The following MAMDC2 variants were observed in gnomAD, a reference collection of about 807,000 sequenced individuals.
MAMDC2 encodes MAM domain containing 2, also known as MAM domain-containing protein 2.
A neutral mutation model predicts 89.8 loss-of-function variants in MAMDC2; 57 were observed. The observed-to-expected ratio is 0.63, with a 90% CI of 0.51 to 0.79. MAMDC2 has a LOEUF of 0.79. Ranked by LOEUF, MAMDC2 falls within the 30% of genes least tolerant of loss-of-function variation. MAMDC2 has a pLI of 0.00. For synonymous variants in MAMDC2, 313 were observed against 293.4 expected (o/e 1.07, Z -0.68); for missense variants, 800 against 820.6 (o/e 0.97, Z 0.31).
At chr9:70,114,915 T>A (rs1013188994) in intron 5 of MAMDC2, among the ~76,000 whole-genome samples, 1 of 152,170 alleles carries the variant, frequency 6.6e-6, no homozygotes, top group Non-Finnish European at 1.5e-5. Context: ...GAAGACATGA[T>A]AAAAGAAGTA....
intron 2 of MAMDC2, chr9:70,092,452 G>A (rs1286177574): frequency 1.3e-5 from 2 of 152,208 alleles, no homozygotes; most frequent in Non-Finnish European, 2.9e-5. Context: ...GAATACACAA[G>A]CCAGATCTGT....
intron 11 of MAMDC2, among the ~76,000 whole-genome samples, chr9:70,204,797 C>G (rs1022274392): frequency 6.6e-6 from 1 of 152,182 alleles, no homozygotes; most frequent in Non-Finnish European, 1.5e-5. Context: ...GAGCAATATT[C>G]GGGTGGGAGT....
intron 2 of MAMDC2, among the ~76,000 whole-genome samples, chr9:70,068,479 A>T (rs900744953): frequency 5.9e-5 from 9 of 152,062 alleles, no homozygotes; most frequent in Admixed American, 3.3e-4. Flanking sequence ...GGACTTTGGG[A>T]GGCCATGGTG....
At chr9:70,078,179 T>C (rs776132403) in intron 2 of MAMDC2, among the ~76,000 whole-genome samples, 3 of 152,188 alleles carry the variant, frequency 2.0e-5, no homozygotes, top group Non-Finnish European at 2.9e-5. Flanking sequence ...GCAGGATGGA[T>C]ATCCAAGGTG....
At chr9:70,120,124 T>A (rs904723790) in intron 5 of MAMDC2, among the ~76,000 whole-genome samples, 2 of 152,188 alleles carry the variant, frequency 1.3e-5, no homozygotes, top group Middle Eastern at 3.2e-3. Context: ...CCTTCTAAAT[T>A]GCCCCCTCAA....
intron 2 of MAMDC2, among the ~76,000 whole-genome samples, chr9:70,085,114 A>T (rs1379296993): frequency 1.3e-5 from 2 of 152,232 alleles, no homozygotes; most frequent in South Asian, 4.1e-4. Context: ...GCCCCTTGTC[A>T]TTCACAGCAA....
At chr9:70,174,834 C>T (rs2032448877) in intron 11 of MAMDC2, among the ~76,000 whole-genome samples, 1 of 151,332 alleles carries the variant, frequency 6.6e-6, no homozygotes, top group Non-Finnish European at 1.5e-5. Flanking sequence ...AAGCAATTCT[C>T]CCTGCCTCAG....
intron 7 of MAMDC2, among the ~76,000 whole-genome samples, chr9:70,137,028 C>A (rs928393335): frequency 6.6e-6 from 1 of 152,172 alleles, no homozygotes; most frequent in African/African-American, 2.4e-5. Flanking sequence ...CAGTCTGGCT[C>A]ATCTGGGTTT....
chr9:70,052,005 A>T (rs3015234), intron 2 of MAMDC2, among the ~76,000 whole-genome samples: 29,801 of 152,000 alleles, frequency 0.2, 3,223 homozygotes, highest in African/African-American at 0.29. Context: ...GTAAAAAAAA[A>T]TTTTTTTAAA....
At position 70,206,374 on chromosome 9, in the gene MAMDC2, T is replaced by C. The variant is rs148580094; in HGVS notation, c.1652-11963T>C. 3.3e-3 allele frequency among the ~76,000 whole-genome samples: 508 copies of C among 152,302 alleles called. 12 individuals are homozygous for C. The highest frequency in any genetic ancestry group is 0.031 in the Admixed American group (479 of 15,298). On this transcript the variant is annotated intron_variant, in intron 11 of 13. Transcript: ENST00000377182. ...GGTATATGTGTACAGGAACAGTCTA[T>C]ACACGGCTTGGTATTATCTGTGGTT...
At chr9:70,127,893 G>A (rs1238701281) in intron 6 of MAMDC2, among the ~76,000 whole-genome samples, 1 of 152,152 alleles carries the variant, frequency 6.6e-6, no homozygotes, top group Non-Finnish European at 1.5e-5. Flanking sequence ...CACACACACT[G>A]ACAGCGTTCT....
In MAMDC2 at chr9:70,182,947, T is replaced by C. The variant is rs963528952; in HGVS notation, c.1651+12316T>C. Among the ~76,000 whole-genome samples, 3 of 152,232 alleles carry C rather than the reference T, an allele frequency of 2.0e-5. No homozygotes were observed. The East Asian group carries it at 5.8e-4, about 29-fold the overall frequency. ...TTCTTTTAATTGTGATGTTAGGGTG[T>C]CGATTTTAGATCTTTCCTGCTTTCT... On this transcript the variant is annotated intron_variant, in intron 11 of 13. Transcript: ENST00000377182.
chr9:70,044,327 G>C (rs1360059222), intron 1 of MAMDC2, 96 bp downstream of exon 1: 15 of 1,361,152 alleles, frequency 1.1e-5, no homozygotes, highest in Non-Finnish European at 2.0e-6. Context: ...GCTGGGCTGG[G>C]CCATCCGAGG....
In MAMDC2 at chr9:70,044,714, G is replaced by A; in HGVS notation, c.148+17G>A. The A allele has an allele frequency of 6.5e-7, 1 of 1,528,272 alleles. No homozygotes were observed. The highest frequency in any genetic ancestry group is 1.4e-5 in the African/African-American group (1 of 72,722). 94.7% of individuals were successfully genotyped at this position (1,528,272 alleles called of 1,614,324 possible). On this transcript the variant is annotated intron_variant, in intron 2 of 13. Transcript: ENST00000377182. Reference sequence around the variant, plus strand: ...ATGAGGAAGGTAAGGAGGCTCGGTGGAGAGGGGCGCGAAGTGAACTTTCTT... The same window carrying A: ...ATGAGGAAGGTAAGGAGGCTCGGTGAAGAGGGGCGCGAAGTGAACTTTCTT...
intron 2 of MAMDC2, among the ~76,000 whole-genome samples, chr9:70,107,702 G>T (rs1487062777): frequency 6.6e-6 from 1 of 152,192 alleles, no homozygotes; most frequent in Non-Finnish European, 1.5e-5. Flanking sequence ...TCTACATAAT[G>T]ATGCAAGTTA....
Position 70,044,584 on chromosome 9 carries a change from C to T in MAMDC2, c.35C>T (p.Ala12Val). The change falls in exon 2 of 14, where the codon GCC becomes GTC. Residue 12 changes from alanine to valine, a missense_variant and splice_region_variant. Transcript: ENST00000377182. ...LLRGVLLALQ[A>V]LQLAGALDLP... is the part of the protein sequence containing the mutation. ...ACTGAAACTCGCTTTGTGCCCGCAG[C>T]CCTGCAGCTCGCCGGTGCCCTCGAC... 2.6e-6 allele frequency: 4 copies of T among 1,549,348 alleles called. No individual in the cohort carries two copies. The highest frequency in any genetic ancestry group is 3.5e-6 in the Non-Finnish European group (4 of 1,146,746).
chr9:70,160,083 A>T (rs1351174569), intron 9 of MAMDC2, among the ~76,000 whole-genome samples: 1 of 152,096 alleles, frequency 6.6e-6, no homozygotes, highest in Non-Finnish European at 1.5e-5. Context: ...ATGGTGGCGC[A>T]TGCTTGTAAT....
chr9:70,200,562 A>C (rs1191867537), intron 11 of MAMDC2, among the ~76,000 whole-genome samples: 2 of 151,126 alleles, frequency 1.3e-5, no homozygotes, highest in Non-Finnish European at 2.9e-5. Context: ...TACGAACTTT[A>C]AAGTAGTTTT....
intron 2 of MAMDC2, among the ~76,000 whole-genome samples, chr9:70,092,100 G>C (rs1164004301): frequency 6.6e-6 from 1 of 152,086 alleles, no homozygotes; most frequent in Non-Finnish European, 1.5e-5. Context: ...ATGTTACTTG[G>C]CATTAAAGGT....
Sources: gnomAD v4.1 joint callset for allele counts (sites outside exome capture counted in the v4.1 genomes callset) on GRCh38, gnomAD v4.1.1 for gene constraint, MANE v1.5 for transcripts, NCBI Gene and HGNC (gene_info 2026-07-23, HGNC 2026-07-21) for gene names.